The following RBFOX1 variants were observed in gnomAD, a reference collection of about 807,000 sequenced individuals.
The protein encoded by RBFOX1 is RNA binding fox-1 homolog 1.
RBFOX1 carries 8 observed loss-of-function variants against 57.7 expected under a neutral mutation model. The observed-to-expected ratio is 0.14, with a 90% CI of 0.08 to 0.25. The LOEUF (loss-of-function observed/expected upper bound fraction) is 0.25, where lower values mean the gene tolerates loss of function less well. Ranked by LOEUF, RBFOX1 falls within the 10% of genes least tolerant of loss-of-function variation. The pLI, the probability that RBFOX1 is intolerant of heterozygous loss-of-function variation, is 1.00. For synonymous variants in RBFOX1, 326 were observed against 222.4 expected (o/e 1.47, Z -4.15); for missense variants, 611 against 548.5 (o/e 1.11, Z -1.14).
intron 4 of RBFOX1, among the ~76,000 whole-genome samples, chr16:7,100,062 G>T (rs977807751): frequency 6.6e-6 from 1 of 151,430 alleles, no homozygotes; most frequent in Non-Finnish European, 1.5e-5. Context: ...ATGATGGGGG[G>T]TGAGGGTGGT....
Position 6,468,341 on chromosome 16 carries a change from A to C in RBFOX1, c.-64+151284A>C, listed in dbSNP as rs59910917. ...AAGGCTACATTCATCATAGAACTTT[A>C]AGCTTGTGCCCCACTGCTGGGCCAT... On this transcript the variant is annotated intron_variant, in intron 2 of 15. Transcript: ENST00000550418. Among the ~76,000 whole-genome samples the C allele has an allele frequency of 6.3e-3, 959 of 152,308 alleles. 13 individuals are homozygous for C. The highest frequency in any genetic ancestry group is 0.022 in the African/African-American group (918 of 41,560).
intron 4 of RBFOX1, among the ~76,000 whole-genome samples, chr16:7,251,783 C>T (rs34659279): frequency 1.3e-5 from 2 of 152,100 alleles, no homozygotes; most frequent in African/African-American, 4.8e-5. Flanking sequence ...GTGAATAATG[C>T]TGCAGTGAAC....
intron 2 of RBFOX1, among the ~76,000 whole-genome samples, chr16:6,610,519 G>A (rs1460135825): frequency 6.6e-6 from 1 of 152,006 alleles, no homozygotes; most frequent in Non-Finnish European, 1.5e-5. Flanking sequence ...TTGTAGAGAT[G>A]AGGACTCCCT....
chr16:7,273,018 C>T (rs536197763), intron 4 of RBFOX1, among the ~76,000 whole-genome samples: 4 of 133,792 alleles, frequency 3.0e-5, no homozygotes, highest in African/African-American at 8.7e-5. Flanking sequence ...TTCCTTTCTG[C>T]CTTCCTTCCT....
At chr16:5,417,192 C>G (rs2067184548) in intron 1 of RBFOX1, among the ~76,000 whole-genome samples, 1 of 152,196 alleles carries the variant, frequency 6.6e-6, no homozygotes, top group South Asian at 2.1e-4. Context: ...TTTAATCAGT[C>G]ACATATTTTA....
intron 5 of RBFOX1, among the ~76,000 whole-genome samples, chr16:7,524,927 C>T (rs1233355774): frequency 6.6e-6 from 1 of 152,114 alleles, no homozygotes; most frequent in South Asian, 2.1e-4. Context: ...TTATCATCAT[C>T]AAAGCAATTC....
intron 3 of RBFOX1, among the ~76,000 whole-genome samples, chr16:6,661,783 C>G (rs1278584226): frequency 2.0e-5 from 3 of 152,206 alleles, no homozygotes; most frequent in Non-Finnish European, 4.4e-5. Flanking sequence ...GGGAATGCAA[C>G]TGTCTCTTTG....
intron 2 of RBFOX1, among the ~76,000 whole-genome samples, chr16:6,586,331 A>G (rs1413949440): frequency 6.6e-6 from 1 of 152,208 alleles, no homozygotes; most frequent in Non-Finnish European, 1.5e-5. Context: ...ATTCATTCCT[A>G]AGATACCTAC....
At chr16:5,394,674 A>G (rs1010891664) in intron 1 of RBFOX1, among the ~76,000 whole-genome samples, 4 of 150,624 alleles carry the variant, frequency 2.7e-5, no homozygotes, top group African/African-American at 9.8e-5. Flanking sequence ...CAATCCTCCT[A>G]AGTAGCTGAG....
Position 7,413,624 on chromosome 16 carries a change from T to C in RBFOX1, c.28-104523T>C, listed in dbSNP as rs565335578. ...CCTGCCTGCCCCTTTGCTTGTCCTC[T>C]TGCTATTCCCAGGCACTGGTTGCCT... On this transcript the variant is annotated intron_variant, in intron 4 of 15. Transcript: ENST00000550418. Among the ~76,000 whole-genome samples, 184 of 152,146 alleles carry C rather than the reference T, an allele frequency of 1.2e-3. 1 individual carries two copies. The highest frequency in any genetic ancestry group is 2.3e-3 in the South Asian group (11 of 4,798).
At chr16:7,060,703 T>G (rs1259901490) in intron 4 of RBFOX1, among the ~76,000 whole-genome samples, 2 of 152,194 alleles carry the variant, frequency 1.3e-5, no homozygotes, top group African/African-American at 2.4e-5. Context: ...TTTCTGGGAC[T>G]CCCCAAGGAG....
intron 3 of RBFOX1, among the ~76,000 whole-genome samples, chr16:6,910,117 C>T (rs554538732): frequency 2.0e-5 from 3 of 152,014 alleles, no homozygotes; most frequent in South Asian, 2.1e-4. Context: ...ACCTTGGTAG[C>T]GTGCAAAGAG....
intron 4 of RBFOX1, among the ~76,000 whole-genome samples, chr16:7,324,259 C>T (rs975260541): frequency 1.1e-4 from 16 of 152,144 alleles, no homozygotes; most frequent in African/African-American, 3.9e-4. Context: ...AGGCAGAAAG[C>T]TCAGGTGGTT....
At chr16:5,887,405 G>T (rs2057925634) in intron 4 of RBFOX1, among the ~76,000 whole-genome samples, 1 of 152,050 alleles carries the variant, frequency 6.6e-6, no homozygotes, top group Admixed American at 6.6e-5. Flanking sequence ...TGTGTTATTT[G>T]TTTGTTTGTT....
intron 3 of RBFOX1, chr16:5,611,355 C>T (rs2047779028): frequency 1.3e-5 from 2 of 152,138 alleles, no homozygotes; most frequent in South Asian, 4.1e-4. Flanking sequence ...ATTTCTGACA[C>T]ATCTAGTTTG....
intron 3 of RBFOX1, among the ~76,000 whole-genome samples, chr16:6,976,778 CAA>C (rs2086989837): frequency 1.1e-5 from 1 of 90,768 alleles, no homozygotes; most frequent in African/African-American, 4.1e-5. Flanking sequence ...TATGACATAT[CAA>C]TATATTATAT....
At chr16:7,007,811 C>A (rs2093389341) in intron 3 of RBFOX1, among the ~76,000 whole-genome samples, 1 of 152,184 alleles carries the variant, frequency 6.6e-6, no homozygotes, top group South Asian at 2.1e-4. Context: ...TTGAAGCCTG[C>A]ACGCTCCTGT....
Position 5,452,949 on chromosome 16 carries a change from C to T in RBFOX1, c.220-14267C>T, listed in dbSNP as rs535091210. Among the ~76,000 whole-genome samples the T allele has an allele frequency of 8.5e-5, 13 of 152,284 alleles. No individual in the cohort carries two copies. The South Asian group carries it at 2.7e-3, about 32-fold the overall frequency. On this transcript the variant is annotated intron_variant, in intron 1 of 2. Transcript: ENST00000585867. ...GCTCTGCGAAACCTTGACTTTTTTA[C>T]TTGAAATGTTTCAGCATGTCTTCAA...
chr16:6,143,898 C>T (rs554945700), intron 1 of RBFOX1, among the ~76,000 whole-genome samples: 41 of 151,588 alleles, frequency 2.7e-4, no homozygotes, highest in African/African-American at 9.7e-4. Flanking sequence ...TGGGCTCAAG[C>T]GATCTTCCCA....
Sources: allele counts gnomAD v4.1 joint callset (sites outside exome capture counted in the v4.1 genomes callset), GRCh38; gene constraint gnomAD v4.1.1; transcripts MANE v1.5; gene names NCBI Gene and HGNC (gene_info 2026-07-23, HGNC 2026-07-21).